SLC25A51: variants seen among roughly 807,000 people sequenced by gnomAD.
SLC25A51 encodes mitochondrial nicotinamide adenine dinucleotide transporter SLC25A51.
A neutral mutation model predicts 19.1 loss-of-function variants in SLC25A51; 11 were observed. The ratio of observed to expected loss-of-function variants is 0.58; its 90% CI spans 0.36 to 0.96. SLC25A51 has a LOEUF of 0.96. Among genes scored for constraint, SLC25A51 ranks in the 40% least tolerant of loss-of-function variants. SLC25A51 has a pLI of 0.01. For synonymous variants in SLC25A51, 105 were observed against 133.6 expected (o/e 0.79, Z 1.47); for missense variants, 201 against 365.4 (o/e 0.55, Z 3.67).
At chr9:37,889,398 TATG>T (rs1831531733) in intron 2 of SLC25A51, among the ~76,000 whole-genome samples, 1 of 152,164 alleles carries the variant, frequency 6.6e-6, no homozygotes, top group African/African-American at 2.4e-5. Context: ...TGACAGCTTC[TATG>T]ATAACCAACC....
At chr9:37,899,268 T>A (rs905694666) in intron 2 of SLC25A51, among the ~76,000 whole-genome samples, 1 of 152,254 alleles carries the variant, frequency 6.6e-6, no homozygotes, top group Non-Finnish European at 1.5e-5. Context: ...TCTTGCAATA[T>A]GTGGATAAAT....
intron 2 of SLC25A51, among the ~76,000 whole-genome samples, chr9:37,882,585 T>C (rs946742147): frequency 1.3e-5 from 2 of 152,250 alleles, no homozygotes; most frequent in African/African-American, 4.8e-5. Context: ...TACATCGATT[T>C]TGTCCCCAAC....
At chr9:37,884,652 T>C (rs1329114974), downstream of SLC25A51, among the ~76,000 whole-genome samples, 2 of 152,212 alleles carry the variant, frequency 1.3e-5, no homozygotes, top group East Asian at 1.9e-4. Flanking sequence ...AACAGGATGC[T>C]TGAATATGAC....
At position 37,904,084 on chromosome 9, in the gene SLC25A51, C is replaced by A. The variant is rs1052147237; in HGVS notation, c.-181G>T. On this transcript the variant is annotated 5_prime_UTR_variant, in exon 1 of 3. Coordinates refer to ENST00000242275, the MANE Select transcript of SLC25A51 (RefSeq NM_033412.4). ...CACACTCACCCATCAGCGCCGGCGT[C>A]CCGCAGGACGGCTAGCGAGCCGGGG... The A allele has an allele frequency of 2.0e-5, 3 of 152,310 alleles. No individual in the cohort carries two copies. 9.4% of individuals were successfully genotyped at this position (152,310 alleles called of 1,614,324 possible). A position where few individuals can be genotyped will look rare whatever the true frequency, so the allele number is the denominator to read the frequency against.
At chr9:37,897,256 T>A (rs2118361176) in intron 2 of SLC25A51, among the ~76,000 whole-genome samples, 1 of 152,212 alleles carries the variant, frequency 6.6e-6, no homozygotes, top group East Asian at 1.9e-4. Flanking sequence ...GGTTTCACTA[T>A]GTTGCCCAGC....
chr9:37,880,521 T>G (rs1008048651), exon 4 of SLC25A51: 1 of 151,966 alleles, frequency 6.6e-6, no homozygotes, highest in Non-Finnish European at 1.5e-5. Context: ...GAGGCCGAGG[T>G]GGGCAGATCA....
At chr9:37,886,029 A>G, downstream of SLC25A51, 4 of 1,613,528 alleles carry the variant, frequency 2.5e-6, no homozygotes, top group Non-Finnish European at 3.4e-6. Flanking sequence ...GCCCCTATCT[A>G]TGCTGACCTC....
intron 2 of SLC25A51, among the ~76,000 whole-genome samples, chr9:37,891,064 CA>C (rs1831572438): frequency 6.6e-6 from 1 of 152,316 alleles, no homozygotes; most frequent in East Asian, 1.9e-4. Context: ...AATCAGATAG[CA>C]TTAGTTCCTA....
intron 2 of SLC25A51, among the ~76,000 whole-genome samples, chr9:37,892,003 G>C (rs16934574): frequency 0.021 from 3,217 of 151,322 alleles, 62 homozygotes; most frequent in East Asian, 0.078. Context: ...ATGTGTAAGT[G>C]AAGATGTATC....
chr9:37,895,882 C>T (rs889055206), intron 2 of SLC25A51, among the ~76,000 whole-genome samples: 2 of 151,012 alleles, frequency 1.3e-5, no homozygotes, highest in African/African-American at 4.9e-5. Flanking sequence ...GGCATGATCT[C>T]GGCTCACTGC....
chr9:37,885,361 A>C (rs1831427854), downstream of SLC25A51, among the ~76,000 whole-genome samples: 7 of 151,712 alleles, frequency 4.6e-5, no homozygotes, highest in South Asian at 1.5e-3. Flanking sequence ...AAAAAAAAAA[A>C]AAAAAAACCT....
downstream of SLC25A51, chr9:37,879,126 TAACA>T (rs1587148755): frequency 2.8e-6 from 1 of 359,506 alleles, no homozygotes; most frequent in East Asian, 8.6e-5. Flanking sequence ...AGACTTTGAG[TAACA>T]TCTGCACATA....
At chr9:37,887,099 G>A (rs1401223247), downstream of SLC25A51, among the ~76,000 whole-genome samples, 2 of 152,158 alleles carry the variant, frequency 1.3e-5, no homozygotes, top group South Asian at 2.1e-4. Context: ...GGTGGATCAC[G>A]AGGTCAGGGG....
intron 2 of SLC25A51, among the ~76,000 whole-genome samples, chr9:37,891,345 G>C (rs1214598946): frequency 6.6e-6 from 1 of 152,186 alleles, no homozygotes; most frequent in Non-Finnish European, 1.5e-5. Context: ...CCGCCACCCT[G>C]TCTGGGAGGT....
downstream of SLC25A51, chr9:37,879,030 C>A: frequency 7.1e-6 from 2 of 282,746 alleles, no homozygotes; most frequent in Non-Finnish European, 1.4e-5. Flanking sequence ...AAAGTCAGTG[C>A]AGTGTTATAG....
chr9:37,893,628 T>G lies in SLC25A51; in HGVS notation c.-42-5036A>C, dbSNP rs1831645704. Among the ~76,000 whole-genome samples, 6 of 152,314 alleles carry G rather than the reference T, an allele frequency of 3.9e-5. No homozygotes were observed. In the South Asian group the frequency reaches 1.2e-3, roughly 32 times the overall value. On this transcript the variant is annotated intron_variant, in intron 2 of 2. Coordinates refer to ENST00000242275, the MANE Select transcript of SLC25A51 (RefSeq NM_033412.4). ...CTCTGAAAATTTGTTTCACTGCCTTTTAAACAGAGAGAAATTACTTCCGAT... is the reference window on the plus strand; with the variant it reads ...CTCTGAAAATTTGTTTCACTGCCTTGTAAACAGAGAGAAATTACTTCCGAT...
chr9:37,900,026 CAG>C (rs1258973828), intron 1 of SLC25A51, 76 bp from the exon 2 acceptor site: 10 of 78,662 alleles, frequency 1.3e-4, no homozygotes, highest in Non-Finnish European at 2.2e-4. Context: ...TTTGTAGAGA[CAG>C]GGTCTCACTA....
downstream of SLC25A51, among the ~76,000 whole-genome samples, chr9:37,887,082 C>T (rs909903687): frequency 1.3e-4 from 20 of 151,938 alleles, no homozygotes; most frequent in African/African-American, 4.1e-4. Context: ...TTTGGGAGGC[C>T]GAGGCGGGTG....
At chr9:37,884,075 C>G (rs2118296275), downstream of SLC25A51, among the ~76,000 whole-genome samples, 1 of 152,270 alleles carries the variant, frequency 6.6e-6, no homozygotes, top group African/African-American at 2.4e-5. Context: ...TATTCATATG[C>G]AATTATCCAG....
Sources: gnomAD v4.1 joint callset for allele counts (sites outside exome capture counted in the v4.1 genomes callset) on GRCh38, gnomAD v4.1.1 for gene constraint, MANE v1.5 for transcripts, NCBI Gene and HGNC (gene_info 2026-07-23, HGNC 2026-07-21) for gene names.